Variants in NCAM2 observed in about 807,000 individuals in gnomAD.
The protein encoded by NCAM2 is neural cell adhesion molecule 2, also known as N-CAM-2.
A neutral mutation model predicts 98.1 loss-of-function variants in NCAM2; 30 were observed. That is an observed-to-expected ratio of 0.31 (90% CI 0.23 to 0.41). NCAM2 has a LOEUF of 0.41. Among genes scored for constraint, NCAM2 ranks in the 10% least tolerant of loss-of-function variants. The probability of loss-of-function intolerance (pLI) is 1.00; values close to 1 mark genes in which losing one functional copy is unlikely to be tolerated. For synonymous variants in NCAM2, 368 were observed against 342.4 expected (o/e 1.07, Z -0.83); for missense variants, 867 against 1,005.8 (o/e 0.86, Z 1.87).
chr21:21,452,831 T>C (rs1166912786), intron 12 of NCAM2, among the ~76,000 whole-genome samples: 1 of 102,732 alleles, frequency 9.7e-6, no homozygotes. Flanking sequence ...ATAATATATA[T>C]AATATATAAT....
intron 1 of NCAM2, among the ~76,000 whole-genome samples, chr21:21,080,614 C>CA (rs112060723): frequency 0.092 from 5,259 of 57,244 alleles, 328 homozygotes; most frequent in African/African-American, 0.22. Flanking sequence ...AAAACTCTGT[C>CA]AAAAAAAAAA....
chr21:21,028,017 C>T (rs1421845189), intron 1 of NCAM2, among the ~76,000 whole-genome samples: 1 of 152,080 alleles, frequency 6.6e-6, no homozygotes, highest in Non-Finnish European at 1.5e-5. Flanking sequence ...GCAGGCTCCA[C>T]CACACCCAGC....
chr21:21,053,675 TG>T (rs1475475708), intron 1 of NCAM2, among the ~76,000 whole-genome samples: 1 of 151,344 alleles, frequency 6.6e-6, no homozygotes, highest in Admixed American at 6.6e-5. Flanking sequence ...TCATTTTTTT[TG>T]TCATGAGTAT....
intron 15 of NCAM2, among the ~76,000 whole-genome samples, chr21:21,494,425 A>G (rs1987071306): frequency 6.6e-6 from 1 of 151,294 alleles, no homozygotes; most frequent in Non-Finnish European, 1.5e-5. Context: ...CTAAAAATAA[A>G]ATTATTCAGT....
chr21:21,334,584 A>T (rs2074806877), intron 6 of NCAM2, among the ~76,000 whole-genome samples: 1 of 152,118 alleles, frequency 6.6e-6, no homozygotes, highest in African/African-American at 2.4e-5. Context: ...TTTTAAAATC[A>T]ATTCAGTCAT....
At chr21:21,044,938 G>A (rs2064979476) in intron 1 of NCAM2, among the ~76,000 whole-genome samples, 2 of 151,992 alleles carry the variant, frequency 1.3e-5, no homozygotes, top group Admixed American at 1.3e-4. Flanking sequence ...GTATGTGTAT[G>A]TATATATGTA....
At chr21:21,496,722 C>T (rs62216092) in intron 15 of NCAM2, among the ~76,000 whole-genome samples, 17,395 of 152,120 alleles carry the variant, frequency 0.11, 1,217 homozygotes, top group East Asian at 0.31. Flanking sequence ...CTTAGGTTGT[C>T]GTCCAGGATT....
chr21:21,313,186 T>A (rs546384225), intron 5 of NCAM2, among the ~76,000 whole-genome samples: 5 of 151,982 alleles, frequency 3.3e-5, no homozygotes, highest in South Asian at 2.1e-4. Context: ...TTTAAAAAAA[T>A]TTTCTCTATT....
chr21:21,068,616 T>C (rs62207580), intron 1 of NCAM2, among the ~76,000 whole-genome samples: 35,497 of 151,900 alleles, frequency 0.23, 4,973 homozygotes, highest in African/African-American at 0.38. Flanking sequence ...TGTGCCACCA[T>C]GCCTGGCTAA....
intron 1 of NCAM2, among the ~76,000 whole-genome samples, chr21:21,214,948 T>G (rs548110150): frequency 6.6e-6 from 1 of 151,880 alleles, no homozygotes; most frequent in South Asian, 2.1e-4. Flanking sequence ...TAATTTTAGC[T>G]TAAAGTAGTA....
At chr21:21,051,930 C>A (rs2065117046) in intron 1 of NCAM2, among the ~76,000 whole-genome samples, 1 of 152,194 alleles carries the variant, frequency 6.6e-6, no homozygotes, top group Admixed American at 6.5e-5. Context: ...CTGTTGCTAT[C>A]ATGCTAAGTT....
intron 1 of NCAM2, among the ~76,000 whole-genome samples, chr21:21,260,142 C>A (rs1432865279): frequency 1.3e-5 from 2 of 150,802 alleles, no homozygotes; most frequent in African/African-American, 4.9e-5. Context: ...CCCAGTCAGA[C>A]AAAAATAAAG....
chr21:21,364,004 C>T (rs1487486786), intron 8 of NCAM2, among the ~76,000 whole-genome samples: 1 of 151,900 alleles, frequency 6.6e-6, no homozygotes, highest in Non-Finnish European at 1.5e-5. Flanking sequence ...TATAAATTAC[C>T]TGTTCTTCAT....
At chr21:21,477,257 A>G in intron 14 of NCAM2, 34 bp from the exon 15 acceptor site, 7 of 1,524,266 alleles carry the variant, frequency 4.6e-6, no homozygotes, top group South Asian at 1.3e-5. Flanking sequence ...TAGTGTATGG[A>G]TATTTACAAA....
chr21:21,406,414 T>G (rs1035525207), intron 9 of NCAM2, among the ~76,000 whole-genome samples: 2 of 152,140 alleles, frequency 1.3e-5, no homozygotes, highest in African/African-American at 4.8e-5. Flanking sequence ...TGATCAGAAA[T>G]CAAGGGTGCG....
At chr21:21,496,426 G>A (rs1278832868) in intron 15 of NCAM2, among the ~76,000 whole-genome samples, 3 of 151,880 alleles carry the variant, frequency 2.0e-5, no homozygotes, top group South Asian at 2.1e-4. Flanking sequence ...TTTGAGAAGC[G>A]TCTGTCCATG....
chr21:21,034,672 G>C (rs2064761628), intron 1 of NCAM2, among the ~76,000 whole-genome samples: 1 of 152,112 alleles, frequency 6.6e-6, no homozygotes, highest in Admixed American at 6.6e-5. Context: ...GAATTTAGTT[G>C]AGTTAATAAA....
chr21:21,432,973 A>T (rs1297601106), intron 12 of NCAM2, among the ~76,000 whole-genome samples: 1 of 152,184 alleles, frequency 6.6e-6, no homozygotes, highest in Non-Finnish European at 1.5e-5. Flanking sequence ...TTAATGTTCC[A>T]TAGGTCTGTT....
intron 15 of NCAM2, among the ~76,000 whole-genome samples, chr21:21,497,859 A>G (rs989279074): frequency 6.6e-6 from 1 of 152,182 alleles, no homozygotes; most frequent in African/African-American, 2.4e-5. Context: ...AGGATGTAAA[A>G]CATATATAAA....
Sources: gnomAD v4.1 joint callset for allele counts (sites outside exome capture counted in the v4.1 genomes callset) on GRCh38, gnomAD v4.1.1 for gene constraint, MANE v1.5 for transcripts, NCBI Gene and HGNC (gene_info 2026-07-23, HGNC 2026-07-21) for gene names.